The following SMARCC1 variants were observed in gnomAD, a reference collection of about 807,000 sequenced individuals.
The protein encoded by SMARCC1 is SWI/SNF related BAF chromatin remodeling complex subunit C1.
In SMARCC1, 43 loss-of-function variants were observed where a neutral mutation model predicts 147.4. That is an observed-to-expected ratio of 0.29 (90% confidence interval 0.23 to 0.38). The LOEUF (loss-of-function observed/expected upper bound fraction) is 0.38, where lower values mean the gene tolerates loss of function less well. Ranked by LOEUF, SMARCC1 falls within the 10% of genes least tolerant of loss-of-function variation. The probability of loss-of-function intolerance (pLI) is 1.00; values close to 1 mark genes in which losing one functional copy is unlikely to be tolerated. For missense variants in SMARCC1, 1,119 were observed against 1,381.1 expected (o/e 0.81, Z 3.01); for synonymous variants, 495 against 484.4 (o/e 1.02, Z -0.29).
At position 47,772,835 on chromosome 3, in the gene SMARCC1, C is replaced by T. The variant is rs372925263; in HGVS notation, c.297G>A (p.Pro99=). 8.1e-6 allele frequency: 13 copies of T among 1,612,370 alleles called. No individual in the cohort carries two copies. Among genetic ancestry groups the T allele is most frequent in the Admixed American group, 5.0e-5 (3 of 59,850 alleles). The change falls in exon 2 of 28, where the codon CCG becomes CCA. Residue 99 remains proline (P), a synonymous_variant. Coordinates refer to ENST00000254480, the MANE Select transcript of SMARCC1 (RefSeq NM_003074.4). The part of the protein sequence containing the change: ...EDAFGKHVTN[P]AFTKLPAKCF... The stretch of plus-strand genomic sequence containing the variant: ...TACTTACAGGGAGTTTGGTGAAGGC[C>T]GGGTTGGTGACATGCTTCCCAAAGG...
rs2032578008 is a variant in SMARCC1 at position 47,612,538 on chromosome 3, CCTTT to C, written c.2782-2215_2782-2212del. ...TGGGTTCTGCTTTTAACCAAACTAG[CCTTT>C]CTTTGAGGGCTTACCTTAGTATCAA... On this transcript the variant is annotated intron_variant, in intron 25 of 27. Transcript: ENST00000254480. 2.6e-5 allele frequency among the ~76,000 whole-genome samples: 4 copies of C among 152,074 alleles called. No individual in the cohort carries two copies. In the South Asian group the frequency reaches 8.3e-4, roughly 32 times the overall value.
At chr3:47,691,506 T>A (rs2033787984) in intron 12 of SMARCC1, among the ~76,000 whole-genome samples, 3 of 151,626 alleles carry the variant, frequency 2.0e-5, no homozygotes. Flanking sequence ...CCCAGCTACT[T>A]GGGAGGCTGA....
chr3:47,735,927 A>C (rs1172734570), intron 5 of SMARCC1, 107 bp downstream of exon 5: 1 of 527,172 alleles, frequency 1.9e-6, no homozygotes, highest in African/African-American at 2.0e-5. Context: ...TGATGCAAAT[A>C]TATCAAAAAA....
chr3:47,694,365 T>C (rs1274599148), intron 11 of SMARCC1, among the ~76,000 whole-genome samples: 7 of 151,642 alleles, frequency 4.6e-5, no homozygotes, highest in Admixed American at 2.0e-4. Flanking sequence ...CTTTGGGAGG[T>C]TGAGGCAGGT....
chr3:47,639,557 C>CA lies in SMARCC1; in HGVS notation c.2321-778dup, dbSNP rs374955465. On this transcript the variant is annotated intron_variant, in intron 21 of 27. Coordinates refer to ENST00000254480, the MANE Select transcript of SMARCC1 (RefSeq NM_003074.4). Reference sequence around the variant, plus strand: ...TGAAACCCTGTTTCTACTAAAAATACAAAAAAATTAGCCAGGTGCGGTGGT... The same window carrying CA: ...TGAAACCCTGTTTCTACTAAAAATACAAAAAAAATTAGCCAGGTGCGGTGGT... Among the ~76,000 whole-genome samples, 375 of 152,058 alleles carry CA rather than the reference C, an allele frequency of 2.5e-3. 1 individual carries two copies. The highest frequency in any genetic ancestry group is 8.5e-3 in the African/African-American group (353 of 41,460).
At chr3:47,750,174 G>A (rs1162139418) in intron 2 of SMARCC1, among the ~76,000 whole-genome samples, 1 of 152,012 alleles carries the variant, frequency 6.6e-6, no homozygotes, top group Non-Finnish European at 1.5e-5. Context: ...GGTGGCTCAC[G>A]CCAATAATCC....
At chr3:47,649,473 T>C (rs1160879773) in intron 21 of SMARCC1, among the ~76,000 whole-genome samples, 2 of 152,192 alleles carry the variant, frequency 1.3e-5, no homozygotes, top group Admixed American at 6.5e-5. Flanking sequence ...TAGGAACCAT[T>C]AGTTGGGTTC....
intron 3 of SMARCC1, among the ~76,000 whole-genome samples, chr3:47,740,002 G>C (rs2034489822): frequency 6.6e-6 from 1 of 151,642 alleles, no homozygotes; most frequent in Non-Finnish European, 1.5e-5. Flanking sequence ...TCAGCCTCCT[G>C]ATTAGCTGGG....
chr3:47,655,596 C>T (rs2033250948), intron 21 of SMARCC1, among the ~76,000 whole-genome samples: 1 of 149,258 alleles, frequency 6.7e-6, no homozygotes, highest in South Asian at 2.2e-4. Context: ...ACTTGGGAGG[C>T]TGAGACAGCA....
At chr3:47,736,856 C>T (rs2034450169) in intron 4 of SMARCC1, among the ~76,000 whole-genome samples, 1 of 152,052 alleles carries the variant, frequency 6.6e-6, no homozygotes, top group South Asian at 2.1e-4. Flanking sequence ...ATTAAGTTAA[C>T]AATAATATCT....
At chr3:47,771,884 C>A (rs1478775227) in intron 2 of SMARCC1, among the ~76,000 whole-genome samples, 1 of 151,782 alleles carries the variant, frequency 6.6e-6, no homozygotes, top group Non-Finnish European at 1.5e-5. Context: ...GAGTTCAAGA[C>A]CAGCCTGGCC....
chr3:47,661,078 C>T (rs989557296), intron 21 of SMARCC1, among the ~76,000 whole-genome samples: 2 of 152,126 alleles, frequency 1.3e-5, no homozygotes, highest in African/African-American at 2.4e-5. Flanking sequence ...AGATAATTCA[C>T]AACTGTAATA....
At chr3:47,730,048 A>G (rs1434408607) in intron 5 of SMARCC1, among the ~76,000 whole-genome samples, 3 of 152,130 alleles carry the variant, frequency 2.0e-5, no homozygotes, top group Admixed American at 2.0e-4. Flanking sequence ...GCGTGGTGGC[A>G]CACGTCTGTA....
chr3:47,629,061 A>G (rs559523283), intron 24 of SMARCC1, among the ~76,000 whole-genome samples: 1 of 152,230 alleles, frequency 6.6e-6, no homozygotes, highest in East Asian at 1.9e-4. Flanking sequence ...CAATTCTGCG[A>G]GTAGGACTGG....
intron 21 of SMARCC1, among the ~76,000 whole-genome samples, chr3:47,646,483 T>C (rs530295897): frequency 1.3e-5 from 2 of 152,312 alleles, no homozygotes; most frequent in Non-Finnish European, 2.9e-5. Flanking sequence ...CTTAAACTAG[T>C]GGGTCCCGTG....
rs775759680 is a variant in SMARCC1 at position 47,671,173 on chromosome 3, C to CAAAAAAAAAAAAAA, written c.1840-470_1840-457dup. Among the ~76,000 whole-genome samples the CAAAAAAAAAAAAAA allele has an allele frequency of 2.0e-3, 57 of 29,224 alleles. 7 individuals are homozygous for CAAAAAAAAAAAAAA. Among genetic ancestry groups the CAAAAAAAAAAAAAA allele is most frequent in the African/African-American group, 3.3e-3 (20 of 6,080 alleles). The allele number at this position is 29,224 out of a possible 152,430, so 19.2% of individuals were successfully genotyped here. A position where few individuals can be genotyped will look rare whatever the true frequency, so the allele number is the denominator to read the frequency against. On this transcript the variant is annotated intron_variant, in intron 18 of 27. Transcript: ENST00000254480. The stretch of plus-strand genomic sequence containing the variant: ...CCTGGGCAACAGAGCGAGACTATCT[C>CAAAAAAAAAAAAAA]AAAAAAAAAAAAAAAAAAAAAAAAA...
chr3:47,671,199 C>CAAAAAAAAAA (rs1431984849), intron 18 of SMARCC1, among the ~76,000 whole-genome samples: 1 of 42,790 alleles, frequency 2.3e-5, no homozygotes, highest in African/African-American at 8.1e-5. Context: ...AAAAAAAAAA[C>CAAAAAAAAAA]ACACACAAAA....
intron 25 of SMARCC1, among the ~76,000 whole-genome samples, chr3:47,614,782 A>G (rs1347548586): frequency 6.6e-6 from 1 of 152,196 alleles, no homozygotes; most frequent in South Asian, 2.1e-4. Flanking sequence ...TCCCTGATAA[A>G]CTGTAAGGAA....
At chr3:47,730,800 A>T (rs2034364820) in intron 5 of SMARCC1, among the ~76,000 whole-genome samples, 1 of 151,746 alleles carries the variant, frequency 6.6e-6, no homozygotes, top group South Asian at 2.1e-4. Context: ...CCGGAGGCAG[A>T]GGCTGCAGTG....
Sources: allele counts gnomAD v4.1 joint callset (sites outside exome capture counted in the v4.1 genomes callset), GRCh38; gene constraint gnomAD v4.1.1; transcripts MANE v1.5; gene names NCBI Gene and HGNC (gene_info 2026-07-23, HGNC 2026-07-21).